VAC14: variants seen among roughly 807,000 people sequenced by gnomAD.
The protein encoded by VAC14 is VAC14 component of PIKFYVE complex.
A neutral mutation model predicts 85.3 loss-of-function variants in VAC14; 47 were observed. The ratio of observed to expected loss-of-function variants is 0.55; its 90% CI spans 0.44 to 0.70. VAC14 has a LOEUF of 0.70. Among genes scored for constraint, VAC14 ranks in the 30% least tolerant of loss-of-function variants. The pLI, the probability that VAC14 is intolerant of heterozygous loss-of-function variation, is 0.00. For synonymous variants in VAC14, 447 were observed against 430.5 expected (o/e 1.04, Z -0.47); for missense variants, 861 against 1,004.3 (o/e 0.86, Z 1.93).
intron 9 of VAC14, chr16:70,773,123 T>C (rs2033331948): frequency 6.6e-6 from 1 of 152,048 alleles, no homozygotes; most frequent in Non-Finnish European, 1.5e-5. Context: ...GCACGGAAAA[T>C]ATTCTAAAAT....
At chr16:70,732,393 C>A (rs1410230929) in intron 13 of VAC14, among the ~76,000 whole-genome samples, 1 of 152,198 alleles carries the variant, frequency 6.6e-6, no homozygotes, top group Non-Finnish European at 1.5e-5. Context: ...AGCTAGAAAA[C>A]ACACCGAGGT....
intron 12 of VAC14, among the ~76,000 whole-genome samples, chr16:70,750,172 C>T (rs1460670014): frequency 6.6e-6 from 1 of 152,198 alleles, no homozygotes; most frequent in African/African-American, 2.4e-5. Context: ...GCCACTCCTG[C>T]CTCAGCTTCC....
At position 70,730,781 on chromosome 16, in the gene VAC14, T is replaced by C. The variant is rs901290333; in HGVS notation, c.1661+714A>G. Among the ~76,000 whole-genome samples the C allele has an allele frequency of 3.3e-5, 5 of 152,062 alleles. 1 individual carries two copies. The highest frequency in any genetic ancestry group is 4.2e-4 in the South Asian group (2 of 4,796). On this transcript the variant is annotated intron_variant, in intron 14 of 18. Transcript: ENST00000261776. ...CCTGGCTAATTTTGTATACGGCATCTTTTTTTAAAGCCTCTCCAGTGATCT... is the reference window on the plus strand; with the variant it reads ...CCTGGCTAATTTTGTATACGGCATCCTTTTTTAAAGCCTCTCCAGTGATCT...
chr16:70,771,011 T>A (rs2033179855), intron 10 of VAC14: 1 of 151,936 alleles, frequency 6.6e-6, no homozygotes, highest in Non-Finnish European at 1.5e-5. Flanking sequence ...TCTTCATGAG[T>A]GATTGGCTCT....
At chr16:70,700,671 C>A (rs1481780621) in intron 14 of VAC14, among the ~76,000 whole-genome samples, 1 of 152,204 alleles carries the variant, frequency 6.6e-6, no homozygotes, top group African/African-American at 2.4e-5. Flanking sequence ...GAGGTGGTGG[C>A]CCTGCTGCAG....
intron 14 of VAC14, among the ~76,000 whole-genome samples, chr16:70,719,258 G>T (rs967031115): frequency 6.6e-6 from 1 of 152,220 alleles, no homozygotes; most frequent in African/African-American, 2.4e-5. Flanking sequence ...TACTGGGAAT[G>T]CGGAACAATC....
At chr16:70,777,252 T>C (rs1281840987) in intron 9 of VAC14, among the ~76,000 whole-genome samples, 2 of 152,176 alleles carry the variant, frequency 1.3e-5, no homozygotes, top group African/African-American at 4.8e-5. Flanking sequence ...GCCATAAACA[T>C]GTATTAAAAC....
intron 1 of VAC14, among the ~76,000 whole-genome samples, chr16:70,798,709 T>C (rs1260248803): frequency 6.6e-6 from 1 of 152,170 alleles, no homozygotes; most frequent in African/African-American, 2.4e-5. Flanking sequence ...CAGATTCTGA[T>C]TCCATAGGTC....
At chr16:70,755,252 C>G (rs2031742576) in intron 12 of VAC14, 1 of 333,614 alleles carries the variant, frequency 3.0e-6, no homozygotes, top group Admixed American at 3.8e-5. Flanking sequence ...GCCACCAGGT[C>G]AGTGAGCAGC....
At chr16:70,710,109 G>C (rs774703792) in intron 14 of VAC14, among the ~76,000 whole-genome samples, 1 of 152,220 alleles carries the variant, frequency 6.6e-6, no homozygotes, top group Admixed American at 6.5e-5. Flanking sequence ...CCTGCCACCC[G>C]CATGGGACAG....
At chr16:70,746,257 G>A (rs994570198) in intron 12 of VAC14, among the ~76,000 whole-genome samples, 1 of 152,030 alleles carries the variant, frequency 6.6e-6, no homozygotes, top group Non-Finnish European at 1.5e-5. Flanking sequence ...GTGTTGGCAC[G>A]CAATCTCCCA....
In VAC14 at chr16:70,687,795, G is replaced by C. The variant is rs967349039; in HGVS notation, c.*133C>G. On this transcript the variant is annotated 3_prime_UTR_variant, in exon 19 of 19. Coordinates refer to ENST00000261776, the MANE Select transcript of VAC14 (RefSeq NM_018052.5). ...GCTTGGGCAGACACAGCAGCCTCCG[G>C]CCCCAACACTGCCCTGGGTTGGCAG... The C allele has an allele frequency of 2.4e-4, 246 of 1,018,256 alleles. 1 individual carries two copies. The highest frequency in any genetic ancestry group is 2.9e-4 in the Non-Finnish European group (228 of 776,002). The allele number at this position is 1,018,256 out of a possible 1,614,324, so 63.1% of individuals were successfully genotyped here. A position where few individuals can be genotyped will look rare whatever the true frequency, so the allele number is the denominator to read the frequency against.
At chr16:70,779,062 G>A (rs767452139) in intron 9 of VAC14, 5 of 152,306 alleles carry the variant, frequency 3.3e-5, no homozygotes, top group East Asian at 1.9e-4. Context: ...AATCGAACCC[G>A]GGCCTCCCGC....
At chr16:70,755,735 G>T (rs115307032) in intron 12 of VAC14, among the ~76,000 whole-genome samples, 10 of 152,202 alleles carry the variant, frequency 6.6e-5, no homozygotes, top group African/African-American at 2.4e-4. Flanking sequence ...AAGCTGCAGC[G>T]GGGGTGGTGG....
intron 1 of VAC14, among the ~76,000 whole-genome samples, chr16:70,788,197 A>C (rs1438598680): frequency 6.6e-6 from 1 of 152,208 alleles, no homozygotes; most frequent in Non-Finnish European, 1.5e-5. Context: ...ACTTTCTAGT[A>C]ATTAAAACCA....
intron 12 of VAC14, among the ~76,000 whole-genome samples, chr16:70,750,409 TGCAGGA>T (rs1185583408): frequency 2.0e-5 from 3 of 151,038 alleles, no homozygotes; most frequent in Non-Finnish European, 4.4e-5. Flanking sequence ...AGCAATATTC[TGCAGGA>T]GCAGGAGCGC....
intron 13 of VAC14, among the ~76,000 whole-genome samples, chr16:70,738,438 G>A (rs566213586): frequency 6.6e-6 from 1 of 152,354 alleles, no homozygotes; most frequent in East Asian, 1.9e-4. Flanking sequence ...CCGATGGGAT[G>A]CAGCAGGGCC....
intron 14 of VAC14, among the ~76,000 whole-genome samples, chr16:70,699,012 T>C (rs537174582): frequency 8.5e-5 from 13 of 152,220 alleles, no homozygotes; most frequent in Non-Finnish European, 1.8e-4. Context: ...CCTCTAGGCC[T>C]CCCAGCACTG....
At chr16:70,715,566 G>A (rs1448754474) in intron 14 of VAC14, 1 of 152,330 alleles carries the variant, frequency 6.6e-6, no homozygotes, top group Non-Finnish European at 1.5e-5. Context: ...CTTGCAGGGA[G>A]GGGGCCGAGC....
Sources: allele counts gnomAD v4.1 joint callset (sites outside exome capture counted in the v4.1 genomes callset), GRCh38; gene constraint gnomAD v4.1.1; transcripts MANE v1.5; gene names NCBI Gene and HGNC (gene_info 2026-07-23, HGNC 2026-07-21).